Variants in WDR25 observed in about 807,000 individuals in gnomAD.
WDR25 encodes the protein WD repeat-containing protein 25.
WDR25 carries 35 observed loss-of-function variants against 47.7 expected under a neutral mutation model. The ratio of observed to expected loss-of-function variants is 0.73; its 90% CI spans 0.56 to 0.97. The LOEUF (loss-of-function observed/expected upper bound fraction) is 0.97. Among genes scored for constraint, WDR25 ranks in the 50% least tolerant of loss-of-function variants. The pLI, the probability that WDR25 is intolerant of heterozygous loss-of-function variation, is 0.00. For synonymous variants in WDR25, 248 were observed against 278.9 expected (o/e 0.89, Z 1.10); for missense variants, 634 against 704.7 (o/e 0.90, Z 1.14).
chr14:100,507,612 C>A (rs1901155759), intron 4 of WDR25, among the ~76,000 whole-genome samples: 1 of 145,582 alleles, frequency 6.9e-6, no homozygotes, highest in Non-Finnish European at 1.5e-5. Context: ...TTGTAGAGAT[C>A]TTTCACCTTC....
chr14:100,516,545 G>T (rs955706644), intron 4 of WDR25, among the ~76,000 whole-genome samples: 1 of 152,242 alleles, frequency 6.6e-6, no homozygotes. Context: ...TTGAAAGTCT[G>T]TTATTAGGTA....
chr14:100,450,885 A>ATTTTGGG (rs1899008173), intron 2 of WDR25, among the ~76,000 whole-genome samples: 1 of 152,176 alleles, frequency 6.6e-6, no homozygotes, highest in Non-Finnish European at 1.5e-5. Flanking sequence ...ATGCAACCCC[A>ATTTTGGG]AAAGCACTTC....
chr14:100,461,099 A>T (rs1357976872), intron 2 of WDR25, among the ~76,000 whole-genome samples: 2 of 152,180 alleles, frequency 1.3e-5, no homozygotes. Context: ...CTGCAGTCCC[A>T]GCTCCTCGGA....
intron 2 of WDR25, among the ~76,000 whole-genome samples, chr14:100,434,060 T>TA (rs1251577474): frequency 2.1e-5 from 3 of 142,298 alleles, no homozygotes; most frequent in African/African-American, 8.7e-5. Context: ...AAGCCGTTTC[T>TA]ACAAAAAAAA....
intron 2 of WDR25, among the ~76,000 whole-genome samples, chr14:100,445,081 G>C (rs113918854): frequency 6.6e-6 from 1 of 152,144 alleles, no homozygotes; most frequent in Non-Finnish European, 1.5e-5. Flanking sequence ...TGTTCTTGCT[G>C]TCACCCCATA....
chr14:100,472,179 G>T (rs1595123971), intron 3 of WDR25, among the ~76,000 whole-genome samples: 2 of 152,324 alleles, frequency 1.3e-5, no homozygotes, highest in African/African-American at 4.8e-5. Context: ...TTTGATGGCT[G>T]CAAAGGAGAT....
At chr14:100,512,949 T>G (rs1418593233) in intron 4 of WDR25, among the ~76,000 whole-genome samples, 3 of 152,246 alleles carry the variant, frequency 2.0e-5, no homozygotes, top group African/African-American at 7.2e-5. Context: ...AGTACATACA[T>G]TGTATATTTG....
chr14:100,523,798 A>T lies in WDR25; in HGVS notation c.1102-2072A>T, dbSNP rs756909028. Reference sequence around the variant, plus strand: ...CCCTGCATCTCTACCAGGGGCCCGCAGTTGCCAGAAGAGTCTGAGTGAGAC... The same window carrying T: ...CCCTGCATCTCTACCAGGGGCCCGCTGTTGCCAGAAGAGTCTGAGTGAGAC... On this transcript the variant is annotated intron_variant, in intron 4 of 6. Coordinates refer to ENST00000402312, the MANE Select transcript of WDR25 (RefSeq NM_001161476.3). The surrounding 1 kb of genome is among the most constrained non-coding windows in gnomAD (Gnocchi z 4.7). Among the ~76,000 whole-genome samples, 4 of 152,096 alleles carry T rather than the reference A, an allele frequency of 2.6e-5. No homozygotes were observed. The highest frequency in any genetic ancestry group is 5.9e-5 in the Non-Finnish European group (4 of 68,004).
chr14:100,395,427 G>C (rs950545102), intron 2 of WDR25, among the ~76,000 whole-genome samples: 6 of 152,194 alleles, frequency 3.9e-5, no homozygotes, highest in African/African-American at 1.4e-4. Context: ...ATGCAAGCTG[G>C]CAGCAGCATC....
chr14:100,423,746 G>T (rs1008122009), intron 2 of WDR25, among the ~76,000 whole-genome samples: 3 of 152,308 alleles, frequency 2.0e-5, no homozygotes, highest in Non-Finnish European at 4.4e-5. Flanking sequence ...CTCCTAAGGG[G>T]TGTTTGGATT....
At chr14:100,492,894 C>G (rs1025000320) in intron 4 of WDR25, among the ~76,000 whole-genome samples, 2 of 152,134 alleles carry the variant, frequency 1.3e-5, no homozygotes, top group African/African-American at 4.8e-5. Flanking sequence ...TCACTGCATC[C>G]TCGAACTCCT....
rs535617383 is a variant in WDR25, at chr14:100,509,972, TAAAA to T, written c.1102-15894_1102-15891del. On this transcript the variant is annotated intron_variant, in intron 4 of 6. Transcript: ENST00000402312. ...CCATTGATTTCTTTTTTTTTTTAAT[TAAAA>T]AAATTTTTTGTAGGCTGGTTATGGT... Among the ~76,000 whole-genome samples the T allele has an allele frequency of 4.2e-3, 636 of 152,170 alleles. 7 individuals carry two copies. Among genetic ancestry groups the T allele is most frequent in the African/African-American group, 0.015 (604 of 41,518 alleles).
At chr14:100,466,989 G>A (rs1321811867) in intron 2 of WDR25, among the ~76,000 whole-genome samples, 1 of 152,210 alleles carries the variant, frequency 6.6e-6, no homozygotes, top group African/African-American at 2.4e-5. Flanking sequence ...TGTGGCCCTG[G>A]CTCTGGGAAT....
At position 100,525,263 on chromosome 14, in the gene WDR25, T is replaced by C. The variant is rs1391391421; in HGVS notation, c.1102-607T>C. Among the ~76,000 whole-genome samples the C allele has an allele frequency of 2.0e-5, 3 of 152,262 alleles. No individual in the cohort carries two copies. The highest frequency in any genetic ancestry group is 7.2e-5 in the African/African-American group (3 of 41,472). On this transcript the variant is annotated intron_variant, in intron 4 of 6. Transcript: ENST00000402312. The surrounding 1 kb of genome is among the most constrained non-coding windows in gnomAD (Gnocchi z 4.6). Reference sequence around the variant, plus strand: ...AGAAGCTGAATGTGATAAAATCCTCTAAGAAAGCAAAACAACTGCTCAATA... The same window carrying C: ...AGAAGCTGAATGTGATAAAATCCTCCAAGAAAGCAAAACAACTGCTCAATA...
chr14:100,502,081 G>A lies in WDR25; in HGVS notation c.1101+17957G>A, dbSNP rs142662076. Among the ~76,000 whole-genome samples, 85 of 152,336 alleles carry A rather than the reference G, an allele frequency of 5.6e-4. 1 individual carries two copies. Among genetic ancestry groups the A allele is most frequent in the African/African-American group, 1.9e-3 (79 of 41,580 alleles). On this transcript the variant is annotated intron_variant, in intron 4 of 6. Transcript: ENST00000402312. The surrounding 1 kb of genome is among the most constrained non-coding windows in gnomAD (Gnocchi z 4.5). ...CTGTCCCCAGACAGCTCTTTGGGCT[G>A]TTTGATGGGGCTCACACCTAGGAAG... is the stretch of plus-strand genomic sequence containing the variant.
rs965677080 is a variant in WDR25 at position 100,525,103 on chromosome 14, C to T, written c.1102-767C>T. The stretch of plus-strand genomic sequence containing the variant: ...ACCTTGCTGCGCTTCCATGGCTGCG[C>T]GTGGGTGCCCAGCATGTTATTTCCA... On this transcript the variant is annotated intron_variant, in intron 4 of 6. Transcript: ENST00000402312. The surrounding 1 kb of genome is among the most constrained non-coding windows in gnomAD (Gnocchi z 4.6). Among the ~76,000 whole-genome samples the T allele has an allele frequency of 6.6e-6, 1 of 152,134 alleles. No homozygotes were observed. Among genetic ancestry groups the T allele is most frequent in the African/African-American group, 2.4e-5 (1 of 41,410 alleles).
At position 100,407,826 on chromosome 14, in the gene WDR25, A is replaced by AGCCTCTCACGTGTATT. The variant is rs201684538; in HGVS notation, c.822+26098_822+26113dup. ...GAGATGTAGCCCGTCCCCGTTCAGG[A>AGCCTCTCACGTGTATT]GCCTCTCACGTGTATTGCCTCTCAC... is the stretch of plus-strand genomic sequence containing the variant. On this transcript the variant is annotated intron_variant, in intron 2 of 6. Coordinates refer to ENST00000402312, the MANE Select transcript of WDR25 (RefSeq NM_001161476.3). The surrounding 1 kb of genome is among the most constrained non-coding windows in gnomAD (Gnocchi z 4.1). 0.053 allele frequency among the ~76,000 whole-genome samples: 8,010 copies of AGCCTCTCACGTGTATT among 151,742 alleles called. 619 individuals are homozygous for AGCCTCTCACGTGTATT. The highest frequency in any genetic ancestry group is 0.17 in the African/African-American group (7,062 of 41,090).
At chr14:100,501,431 T>G (rs1329200605) in intron 4 of WDR25, among the ~76,000 whole-genome samples, 3 of 151,818 alleles carry the variant, frequency 2.0e-5, no homozygotes, top group Non-Finnish European at 4.4e-5. Context: ...GATTGTACCT[T>G]CCCCCCAGCC....
At chr14:100,403,731 C>T (rs1249576827) in intron 2 of WDR25, among the ~76,000 whole-genome samples, 1 of 152,110 alleles carries the variant, frequency 6.6e-6, no homozygotes, top group African/African-American at 2.4e-5. Context: ...TTTTTAGGAG[C>T]CCGTTTGTTG....
Sources: gnomAD v4.1 joint callset for allele counts (sites outside exome capture counted in the v4.1 genomes callset) on GRCh38, gnomAD v4.1.1 for gene constraint, Gnocchi (gnomAD v3.1) non-coding constraint, MANE v1.5 for transcripts, NCBI Gene and HGNC (gene_info 2026-07-23, HGNC 2026-07-21) for gene names.